CCDC175: variants seen among roughly 807,000 people sequenced by gnomAD.
The protein encoded by CCDC175 is coiled-coil domain-containing protein 175.
CCDC175 carries 100 observed loss-of-function variants against 114.6 expected under a neutral mutation model. That is an observed-to-expected ratio of 0.87 (90% CI 0.74 to 1.03). The LOEUF (loss-of-function observed/expected upper bound fraction) is 1.03, where lower values mean the gene tolerates loss of function less well. Ranked by LOEUF, CCDC175 falls within the 50% of genes least tolerant of loss-of-function variation. The probability of loss-of-function intolerance (pLI) is 0.00; values close to 1 mark genes in which losing one functional copy is unlikely to be tolerated. For missense variants in CCDC175, 880 were observed against 917.8 expected (o/e 0.96, Z 0.53); for synonymous variants, 306 against 308.7 (o/e 0.99, Z 0.09).
intron 4 of CCDC175, among the ~76,000 whole-genome samples, chr14:59,566,049 A>G (rs536352652): frequency 6.6e-6 from 1 of 152,308 alleles, no homozygotes; most frequent in South Asian, 2.1e-4. Flanking sequence ...GCCCAACAGA[A>G]AGCTCACCTT....
intron 18 of CCDC175, among the ~76,000 whole-genome samples, chr14:59,511,548 TAAAAA>T (rs34490884): frequency 9.5e-5 from 9 of 94,650 alleles, no homozygotes; most frequent in East Asian, 3.0e-4. Context: ...TGATATTTGG[TAAAAA>T]AAAAAAAAAA....
rs1897138370 is a variant in CCDC175 at position 59,576,626 on chromosome 14, A to C, written c.150T>G (p.Phe50Leu). Residue 50 changes from phenylalanine (F) to leucine (L), a missense_variant, in exon 1 of 20, where the codon TTT (phenylalanine) becomes TTG (leucine). Physicochemically the swap from Phe to Leu is conservative, Grantham distance 22. Coordinates refer to ENST00000537690, the MANE Select transcript of CCDC175 (RefSeq NM_001164399.2). ...SVAVEALEQL[F>L]VVEQSLQSDY... Reference sequence around the variant, plus strand: ...GCCCGAGGGGCGTCTTACCCACAACAAACAGCTGCTCCAGCGCCTCGACCG... The same window carrying C: ...GCCCGAGGGGCGTCTTACCCACAACCAACAGCTGCTCCAGCGCCTCGACCG... The C allele has an allele frequency of 1.4e-6, 2 of 1,468,398 alleles. No individual in the cohort carries two copies. The highest frequency in any genetic ancestry group is 1.5e-5 in the African/African-American group (1 of 68,380). 91.0% of individuals were successfully genotyped at this position (1,468,398 alleles called of 1,614,324 possible).
chr14:59,535,826 T>C (rs1471661848), intron 13 of CCDC175, among the ~76,000 whole-genome samples: 2 of 152,324 alleles, frequency 1.3e-5, no homozygotes, highest in East Asian at 3.9e-4. Flanking sequence ...GCCACACCAT[T>C]GTGAGGAATG....
chr14:59,561,055 A>T, intron 7 of CCDC175, 64 bp downstream of exon 7: 1 of 760,944 alleles, frequency 1.3e-6, no homozygotes, highest in Non-Finnish European at 2.1e-6. Context: ...ATAGCATATT[A>T]ACTATATTAT....
At chr14:59,520,963 G>A (rs578133206) in intron 17 of CCDC175, among the ~76,000 whole-genome samples, 50 of 152,248 alleles carry the variant, frequency 3.3e-4, no homozygotes, top group African/African-American at 1.2e-3. Flanking sequence ...GAAAATGGGT[G>A]CATTTTTTGT....
chr14:59,572,666 C>A, intron 3 of CCDC175, 36 bp downstream of exon 3: 1 of 1,136,178 alleles, frequency 8.8e-7, no homozygotes, highest in South Asian at 1.5e-5. Flanking sequence ...GTTATAAGAT[C>A]AACTAAATTT....
At chr14:59,567,315 A>G (rs112295135) in intron 4 of CCDC175, among the ~76,000 whole-genome samples, 5 of 152,182 alleles carry the variant, frequency 3.3e-5, no homozygotes, top group African/African-American at 9.7e-5. Context: ...TTTGTGGAGC[A>G]TCTCCCAGCA....
intron 2 of CCDC175, among the ~76,000 whole-genome samples, chr14:59,573,703 C>T (rs1896958309): frequency 6.6e-6 from 1 of 151,276 alleles, no homozygotes; most frequent in Admixed American, 6.6e-5. Flanking sequence ...TAACCTCTGC[C>T]TCCTGGTTTC....
At chr14:59,531,067 G>C (rs1205419618) in intron 14 of CCDC175, among the ~76,000 whole-genome samples, 1 of 151,748 alleles carries the variant, frequency 6.6e-6, no homozygotes, top group Non-Finnish European at 1.5e-5. Flanking sequence ...CTAAGCCCAG[G>C]AGTTTGAGAT....
intron 17 of CCDC175, 59 bp from the exon 18 acceptor site, chr14:59,511,862 A>C: frequency 8.2e-7 from 1 of 1,224,312 alleles, no homozygotes; most frequent in Non-Finnish European, 1.1e-6. Context: ...ATTTTAATAA[A>C]AGTCGTGTTA....
chr14:59,538,661 A>G, intron 12 of CCDC175, 44 bp downstream of exon 12: 1 of 1,415,064 alleles, frequency 7.1e-7, no homozygotes, highest in East Asian at 2.5e-5. Flanking sequence ...AATTGCTGAT[A>G]TGCAATGTAG....
chr14:59,525,470 T>A, intron 15 of CCDC175, 36 bp from the exon 16 acceptor site: 1 of 1,488,448 alleles, frequency 6.7e-7, no homozygotes, highest in Non-Finnish European at 8.9e-7. Context: ...ATCTCTGAGT[T>A]CAAACAGTAG....
chr14:59,572,275 C>T (rs947836658), intron 3 of CCDC175, among the ~76,000 whole-genome samples: 3 of 152,156 alleles, frequency 2.0e-5, no homozygotes, highest in Non-Finnish European at 4.4e-5. Context: ...AGTTCTGACA[C>T]ATACAACAGT....
rs1595093518 is a variant in CCDC175 at position 59,576,740 on chromosome 14, A to G, written c.36T>C (p.Ala12=). The change falls in exon 1 of 20, where the codon GCT becomes GCC. Residue 12 remains alanine (A), a synonymous_variant. Transcript: ENST00000537690. The stretch of plus-strand genomic sequence containing the variant: ...CAGCCGCCTGCACCAGCTTCTCGCC[A>G]GCGCCCAGCCCTGGGGTCCAGGGGC... The part of the protein sequence containing the change: ...ALSPWTPGLG[A]GEKLVQAAAV... 1 of 1,476,644 alleles carries G rather than the reference A, an allele frequency of 6.8e-7. No individual in the cohort carries two copies. The highest frequency in any genetic ancestry group is 8.9e-7 in the Non-Finnish European group (1 of 1,122,616). The allele number at this position is 1,476,644 out of a possible 1,614,324, so 91.5% of individuals were successfully genotyped here.
Position 59,525,269 on chromosome 14 carries a change from C to G in CCDC175, c.1995+13G>C. 1.4e-6 allele frequency: 2 copies of G among 1,427,302 alleles called. No homozygotes were observed. The highest frequency in any genetic ancestry group is 1.5e-5 in the South Asian group (1 of 65,472). The allele number at this position is 1,427,302 out of a possible 1,614,324, so 88.4% of individuals were successfully genotyped here. On this transcript the variant is annotated intron_variant, in intron 16 of 19. Coordinates refer to ENST00000537690, the MANE Select transcript of CCDC175 (RefSeq NM_001164399.2). Reference sequence around the variant, plus strand: ...CAAAGCCATCATGAAAAGGATGGTGCTCTTAAACTTACTTCTTTTAATTTT... The same window carrying G: ...CAAAGCCATCATGAAAAGGATGGTGGTCTTAAACTTACTTCTTTTAATTTT...
At chr14:59,527,609 T>A (rs1893823906) in intron 14 of CCDC175, among the ~76,000 whole-genome samples, 1 of 152,194 alleles carries the variant, frequency 6.6e-6, no homozygotes. Context: ...TGGTATAATA[T>A]GATTAGATTT....
rs149356181 is a variant in CCDC175 at position 59,563,631 on chromosome 14, A to G, written c.843+106T>C. The G allele has an allele frequency of 1.0e-3, 701 of 671,520 alleles. 18 individuals carry two copies. The East Asian group carries it at 0.021, about 20-fold the overall frequency. The allele number at this position is 671,520 out of a possible 1,614,324, so 41.6% of individuals were successfully genotyped here. A position where few individuals can be genotyped will look rare whatever the true frequency, so the allele number is the denominator to read the frequency against. On this transcript the variant is annotated intron_variant, in intron 6 of 19. Transcript: ENST00000537690. ...AAAGTGTCAGAAAATGTTAACGTGCAGAAAACATCCTCTCAGCATGACATG... is the reference window on the plus strand; with the variant it reads ...AAAGTGTCAGAAAATGTTAACGTGCGGAAAACATCCTCTCAGCATGACATG...
At chr14:59,513,694 G>A (rs183852326) in intron 17 of CCDC175, among the ~76,000 whole-genome samples, 175 of 152,294 alleles carry the variant, frequency 1.1e-3, no homozygotes, top group Non-Finnish European at 1.4e-3. Context: ...AGAGCCCACC[G>A]CAGCTCAAGG....
chr14:59,556,564 G>A (rs1895914195), intron 7 of CCDC175, among the ~76,000 whole-genome samples: 1 of 152,180 alleles, frequency 6.6e-6, no homozygotes, highest in Non-Finnish European at 1.5e-5. Flanking sequence ...AGGACTTCAT[G>A]TCCAAAACAC....
Sources: allele counts gnomAD v4.1 joint callset (sites outside exome capture counted in the v4.1 genomes callset), GRCh38; gene constraint gnomAD v4.1.1; transcripts MANE v1.5; gene names NCBI Gene and HGNC (gene_info 2026-07-23, HGNC 2026-07-21).